CATSPERB: variants seen among roughly 807,000 people sequenced by gnomAD.
CATSPERB encodes the protein cation channel sperm-associated auxiliary subunit beta.
CATSPERB carries 93 observed loss-of-function variants against 128.3 expected under a neutral mutation model. The ratio of observed to expected loss-of-function variants is 0.72; its 90% CI spans 0.61 to 0.86. The LOEUF is 0.86. Among genes scored for constraint, CATSPERB ranks in the 40% least tolerant of loss-of-function variants. The pLI, the probability that CATSPERB is intolerant of heterozygous loss-of-function variation, is 0.00. For missense variants in CATSPERB, 1,153 were observed against 1,329.5 expected, an observed-to-expected ratio of 0.87 and a Z score of 2.06; for synonymous variants, 381 against 448.8, an observed-to-expected ratio of 0.85 and a Z score of 1.91.
intron 10 of CATSPERB, among the ~76,000 whole-genome samples, chr14:91,690,842 G>T (rs1169692992): frequency 6.6e-6 from 1 of 152,216 alleles, no homozygotes; most frequent in Middle Eastern, 3.2e-3. Context: ...CCACCTTTCT[G>T]GTCCATAGCC....
intron 22 of CATSPERB, among the ~76,000 whole-genome samples, chr14:91,594,315 C>T (rs1044476495): frequency 6.6e-6 from 1 of 151,142 alleles, no homozygotes; most frequent in Non-Finnish European, 1.5e-5. Flanking sequence ...CATCACACAC[C>T]AGGGACTGTT....
At chr14:91,693,981 A>C (rs1321427855) in intron 7 of CATSPERB, among the ~76,000 whole-genome samples, 1 of 152,084 alleles carries the variant, frequency 6.6e-6, no homozygotes, top group Non-Finnish European at 1.5e-5. Flanking sequence ...TCCCCTATAT[A>C]TTTTCTAGTC....
At chr14:91,612,064 C>CT (rs775422175) in intron 20 of CATSPERB, among the ~76,000 whole-genome samples, 3,067 of 36,322 alleles carry the variant, frequency 0.084, 47 homozygotes, top group Admixed American at 0.12. Context: ...TTCTTTCTTT[C>CT]TTCCTTTTTT....
intron 14 of CATSPERB, among the ~76,000 whole-genome samples, chr14:91,664,622 G>C (rs1704687): frequency 0.82 from 124,477 of 152,104 alleles, 51,062 homozygotes; most frequent in East Asian, 0.92. Flanking sequence ...GATATACCAA[G>C]TTTATTTGTC....
At chr14:91,696,798 C>G (rs940857697) in intron 7 of CATSPERB, among the ~76,000 whole-genome samples, 1 of 152,114 alleles carries the variant, frequency 6.6e-6, no homozygotes, top group Admixed American at 6.5e-5. Context: ...GAATGGGATC[C>G]AGAACACAAG....
chr14:91,601,752 T>C (rs1314712247), intron 22 of CATSPERB, among the ~76,000 whole-genome samples: 1 of 152,080 alleles, frequency 6.6e-6, no homozygotes, highest in African/African-American at 2.4e-5. Flanking sequence ...GTGAGAGTAT[T>C]TGTAGGTTGA....
intron 11 of CATSPERB, among the ~76,000 whole-genome samples, chr14:91,683,542 G>A (rs550688407): frequency 1.4e-4 from 21 of 152,116 alleles, no homozygotes; most frequent in African/African-American, 4.6e-4. Flanking sequence ...AGAAGTTCCA[G>A]GGGCTAATTT....
chr14:91,650,013 T>A (rs1894677076), intron 15 of CATSPERB, among the ~76,000 whole-genome samples: 1 of 152,300 alleles, frequency 6.6e-6, no homozygotes, highest in South Asian at 2.1e-4. Flanking sequence ...ATTTTGTGGA[T>A]AAATATGGCA....
chr14:91,661,361 T>C (rs1207420350), intron 14 of CATSPERB, among the ~76,000 whole-genome samples: 2 of 152,076 alleles, frequency 1.3e-5, no homozygotes, highest in African/African-American at 4.8e-5. Flanking sequence ...TGAGATAGTC[T>C]ACTTTTCTAC....
At chr14:91,612,930 T>C (rs1893862961) in intron 20 of CATSPERB, among the ~76,000 whole-genome samples, 1 of 152,170 alleles carries the variant, frequency 6.6e-6, no homozygotes, top group African/African-American at 2.4e-5. Flanking sequence ...AATGGAGTAG[T>C]AGCTGCCTTC....
At chr14:91,627,679 T>TTAA (rs1290950213) in intron 17 of CATSPERB, among the ~76,000 whole-genome samples, 1 of 152,202 alleles carries the variant, frequency 6.6e-6, no homozygotes, top group Admixed American at 6.5e-5. Flanking sequence ...TCTGGGTTTA[T>TTAA]TAATAGTCTA....
chr14:91,636,564 AG>A lies in CATSPERB; in HGVS notation c.1602del (p.Phe535LeufsTer12). The A allele has an allele frequency of 2.5e-6, 4 of 1,613,264 alleles. No homozygotes were observed. The highest frequency in any genetic ancestry group is 3.4e-6 in the Non-Finnish European group (4 of 1,179,644). ...TGCTGTGGGGCAAGCGCAGTCTCAA[AG>A]CCCATATCTGGAGGCTGGAAACAGA... is the stretch of plus-strand genomic sequence containing the variant. ...RNLFGQPPDMGFETALAPQHT... is the reference protein window; with the variant it reads ...RNLFGQPPDMXFETALAPQHT... On this transcript the variant is annotated frameshift_variant, in exon 17 of 27. Transcript: ENST00000256343. LOFTEE classifies it high-confidence loss of function.
rs1230606248 is a variant in CATSPERB at position 91,725,161 on chromosome 14, T to C, written c.87A>G (p.Thr29=). The C allele has an allele frequency of 6.6e-7, 1 of 1,524,306 alleles. No homozygotes were observed. The highest frequency in any genetic ancestry group is 8.9e-7 in the Non-Finnish European group (1 of 1,126,670). 94.4% of individuals were successfully genotyped at this position (1,524,306 alleles called of 1,614,324 possible). A position where few individuals can be genotyped will look rare whatever the true frequency, so the allele number is the denominator to read the frequency against. ...SSGIVYNKDD[T]EKRFACSNKG... is the part of the protein sequence containing the mutation. The stretch of plus-strand genomic sequence containing the variant: ...TGTTAGAACATGCAAAGCGTTTCTC[T>C]GTATCATCTAAATAATAAAAAAAAT... The change falls in exon 3 of 27, where the codon ACA becomes ACG. Residue 29 remains threonine, a synonymous_variant. Transcript: ENST00000256343.
intron 5 of CATSPERB, among the ~76,000 whole-genome samples, chr14:91,715,969 TA>T (rs1895930974): frequency 1.3e-5 from 2 of 152,176 alleles, no homozygotes; most frequent in African/African-American, 4.8e-5. Context: ...GCTAGAAGTG[TA>T]AACTTCTAGA....
intron 6 of CATSPERB, 136 bp downstream of exon 6, chr14:91,708,005 G>A (rs1895764447): frequency 1.5e-6 from 1 of 656,786 alleles, no homozygotes; most frequent in South Asian, 1.8e-5. Flanking sequence ...AGTGCCTCAA[G>A]GGTCATGATT....
chr14:91,616,252 C>T (rs1893933533), intron 20 of CATSPERB, among the ~76,000 whole-genome samples: 1 of 152,152 alleles, frequency 6.6e-6, no homozygotes, highest in Non-Finnish European at 1.5e-5. Flanking sequence ...CCCTTTTCTC[C>T]ACATTCTCAC....
chr14:91,635,911 G>A (rs1202949505), intron 17 of CATSPERB: 4 of 152,520 alleles, frequency 2.6e-5, no homozygotes, highest in Admixed American at 2.6e-4. Context: ...TCTATAGCTT[G>A]GCCTGATGGC....
chr14:91,708,610 A>T (rs578042865), intron 5 of CATSPERB, among the ~76,000 whole-genome samples: 84 of 152,352 alleles, frequency 5.5e-4, no homozygotes, highest in African/African-American at 1.9e-3. Flanking sequence ...TTTAAGGTAT[A>T]ACTAATAAGC....
intron 17 of CATSPERB, among the ~76,000 whole-genome samples, chr14:91,634,416 T>C (rs1448467555): frequency 6.6e-6 from 1 of 151,958 alleles, no homozygotes; most frequent in Non-Finnish European, 1.5e-5. Flanking sequence ...TACTGGCAGG[T>C]AATAAGATTA....
Sources: allele counts gnomAD v4.1 joint callset (sites outside exome capture counted in the v4.1 genomes callset), GRCh38; gene constraint gnomAD v4.1.1; transcripts MANE v1.5; gene names NCBI Gene and HGNC (gene_info 2026-07-23, HGNC 2026-07-21).